DENND5A: variants seen among roughly 807,000 people sequenced by gnomAD.
DENND5A encodes the protein DENN domain-containing protein 5A.
A neutral mutation model predicts 140.3 loss-of-function variants in DENND5A; 64 were observed. That is an observed-to-expected ratio of 0.46 (90% CI 0.37 to 0.56). The LOEUF is 0.56. Ranked by LOEUF, DENND5A falls within the 20% of genes least tolerant of loss-of-function variation. The pLI is 0.00. For synonymous variants in DENND5A, 605 were observed against 607.7 expected, an observed-to-expected ratio of 1.00 and a Z score of 0.07; for missense variants, 1,292 against 1,593.8, an observed-to-expected ratio of 0.81 and a Z score of 3.22.
intron 22 of DENND5A, chr11:9,140,100 GC>G: frequency 7.4e-7 from 1 of 1,359,440 alleles, no homozygotes; most frequent in Non-Finnish European, 9.9e-7. Context: ...TGCCTCCCTC[GC>G]CCTGCCTAGT....
chr11:9,264,943 G>A lies in DENND5A; in HGVS notation c.109+18C>T, dbSNP rs1307959211. 2.0e-6 allele frequency: 3 copies of A among 1,538,304 alleles called. No homozygotes were observed. Among genetic ancestry groups the A allele is most frequent in the Non-Finnish European group, 2.6e-6 (3 of 1,140,114 alleles). On this transcript the variant is annotated intron_variant, in intron 1 of 22. Transcript: ENST00000328194. ...ACAGCGGGCGCGGGAAAGCGCCCCG[G>A]GCTCGGCGCGCACTCACCCGACAGC...
chr11:9,159,370 G>A (rs1176625301), intron 12 of DENND5A, among the ~76,000 whole-genome samples: 1 of 150,192 alleles, frequency 6.7e-6, no homozygotes, highest in Non-Finnish European at 1.5e-5. Flanking sequence ...GCCTAGGCTG[G>A]AGTGCAATGG....
rs1847263189 is a variant in DENND5A at position 9,142,062 on chromosome 11, G to T, written c.3558C>A (p.Val1186=). Residue 1186 remains valine (V), a synonymous_variant, in exon 22 of 23, where the codon GTC becomes GTA. Transcript: ENST00000328194. ...YYETLEKNEV[V]PEENWHTRAR... ...CTCTTGTATGCCAGTTTTCCTCAGG[G>T]ACTACTTCATTCTTCTCTAATGTCT... The T allele has an allele frequency of 4.4e-6, 7 of 1,604,244 alleles. No individual in the cohort carries two copies. Among genetic ancestry groups the T allele is most frequent in the Non-Finnish European group, 6.0e-6 (7 of 1,175,468 alleles).
chr11:9,168,954 C>A (rs1045738190), intron 10 of DENND5A, among the ~76,000 whole-genome samples: 1 of 151,924 alleles, frequency 6.6e-6, no homozygotes, highest in African/African-American at 2.4e-5. Context: ...ACTTAAGAAG[C>A]AAGTTACAGT....
intron 1 of DENND5A, among the ~76,000 whole-genome samples, chr11:9,263,669 C>T (rs1328616466): frequency 1.1e-3 from 166 of 146,308 alleles, no homozygotes; most frequent in African/African-American, 3.8e-3. Context: ...GGTGAAACCC[C>T]GTCTCTACTA....
Position 9,139,632 on chromosome 11 carries a change from G to A in DENND5A, c.*39C>T. 3 of 1,592,008 alleles carry A rather than the reference G, an allele frequency of 1.9e-6. No individual in the cohort carries two copies. Among genetic ancestry groups the A allele is most frequent in the Non-Finnish European group, 2.6e-6 (3 of 1,165,832 alleles). On this transcript the variant is annotated 3_prime_UTR_variant, in exon 23 of 23. Coordinates refer to ENST00000328194, the MANE Select transcript of DENND5A (RefSeq NM_015213.4). Reference sequence around the variant, plus strand: ...GGAAAAAAGGTCAGAGCTGCAGGGTGAGTCTTTCTCAGTCCTGCTGCTGGC... The same window carrying A: ...GGAAAAAAGGTCAGAGCTGCAGGGTAAGTCTTTCTCAGTCCTGCTGCTGGC...
chr11:9,201,338 A>G (rs1355336565), intron 4 of DENND5A, among the ~76,000 whole-genome samples: 4 of 151,428 alleles, frequency 2.6e-5, no homozygotes, highest in Non-Finnish European at 1.5e-5. Flanking sequence ...TTGTGCCACT[A>G]CACTCTAGCC....
intron 11 of DENND5A, 43 bp downstream of exon 11, chr11:9,165,790 GGCT>G: frequency 1.2e-6 from 2 of 1,607,666 alleles, no homozygotes; most frequent in Non-Finnish European, 1.7e-6. Context: ...GTCTTACCTT[GGCT>G]GCTAACAGAA....
chr11:9,224,245 GGAA>G (rs915378937), intron 1 of DENND5A, among the ~76,000 whole-genome samples: 1 of 152,084 alleles, frequency 6.6e-6, no homozygotes, highest in Admixed American at 6.6e-5. Context: ...CTAAAGGAAG[GGAA>G]GAAGGAGAGA....
At chr11:9,184,581 CCT>C (rs1848844226) in intron 5 of DENND5A, among the ~76,000 whole-genome samples, 1 of 152,168 alleles carries the variant, frequency 6.6e-6, no homozygotes. Context: ...CTAAAGTGAT[CCT>C]ACTGATCCAA....
chr11:9,200,078 T>G (rs1849473444), intron 4 of DENND5A, among the ~76,000 whole-genome samples: 1 of 152,216 alleles, frequency 6.6e-6, no homozygotes, highest in African/African-American at 2.4e-5. Flanking sequence ...ATTCTTATTA[T>G]GGATACAGTA....
chr11:9,236,016 G>A (rs1163352211), intron 1 of DENND5A, among the ~76,000 whole-genome samples: 1 of 152,100 alleles, frequency 6.6e-6, no homozygotes, highest in Non-Finnish European at 1.5e-5. Context: ...CAAGACAAGA[G>A]GACTGCTTGA....
intron 4 of DENND5A, among the ~76,000 whole-genome samples, chr11:9,197,289 A>G (rs1208536237): frequency 1.3e-5 from 2 of 151,250 alleles, no homozygotes; most frequent in Non-Finnish European, 2.9e-5. Flanking sequence ...TGGGCAACAG[A>G]GTGAAACTCC....
chr11:9,242,606 G>C (rs1441529126), intron 1 of DENND5A: 1 of 152,114 alleles, frequency 6.6e-6, no homozygotes, highest in African/African-American at 2.4e-5. Flanking sequence ...CTGCACTTTA[G>C]TTTCCTAATC....
At chr11:9,238,883 G>A (rs1310635075) in intron 1 of DENND5A, among the ~76,000 whole-genome samples, 1 of 148,094 alleles carries the variant, frequency 6.8e-6, no homozygotes, top group African/African-American at 2.5e-5. Context: ...CCAGGATGGA[G>A]TGCAGTGGCT....
At chr11:9,173,788 A>T (rs1294409925) in intron 8 of DENND5A, among the ~76,000 whole-genome samples, 1 of 152,208 alleles carries the variant, frequency 6.6e-6, no homozygotes, top group Non-Finnish European at 1.5e-5. Flanking sequence ...TAAACCAACA[A>T]AGTAGATAAA....
chr11:9,141,781 C>A (rs1038466417), intron 22 of DENND5A, among the ~76,000 whole-genome samples, 159 bp downstream of exon 22: 1 of 152,142 alleles, frequency 6.6e-6, no homozygotes, highest in East Asian at 1.9e-4. Flanking sequence ...TGACCATACA[C>A]GATACACAGA....
intron 1 of DENND5A, among the ~76,000 whole-genome samples, chr11:9,263,653 T>C (rs1016577920): frequency 7.0e-6 from 1 of 142,622 alleles, no homozygotes; most frequent in African/African-American, 2.5e-5. Flanking sequence ...CCATCCTGGC[T>C]AACAAGGTGA....
At chr11:9,146,970 C>T (rs1847451198) in intron 16 of DENND5A, 60 bp downstream of exon 16, 7 of 1,580,036 alleles carry the variant, frequency 4.4e-6, no homozygotes, top group Non-Finnish European at 6.1e-6. Context: ...ATGAGTGAGT[C>T]TCAGGCAGGT....
Sources: gnomAD v4.1 joint callset for allele counts (sites outside exome capture counted in the v4.1 genomes callset) on GRCh38, gnomAD v4.1.1 for gene constraint, MANE v1.5 for transcripts, NCBI Gene and HGNC (gene_info 2026-07-23, HGNC 2026-07-21) for gene names.